TRIM2: variants seen among roughly 807,000 people sequenced by gnomAD.
The protein encoded by TRIM2 is tripartite motif-containing protein 2.
In TRIM2, 20 loss-of-function variants were observed where a neutral mutation model predicts 75.2. The observed-to-expected ratio is 0.27, with a 90% CI of 0.19 to 0.39. The LOEUF (loss-of-function observed/expected upper bound fraction) is 0.39. Among genes scored for constraint, TRIM2 ranks in the 10% least tolerant of loss-of-function variants. The pLI, the probability that TRIM2 is intolerant of heterozygous loss-of-function variation, is 1.00. For synonymous variants in TRIM2, 373 were observed against 388.3 expected, an observed-to-expected ratio of 0.96 and a Z score of 0.46; for missense variants, 660 against 990.8, an observed-to-expected ratio of 0.67 and a Z score of 4.48.
intron 1 of TRIM2, among the ~76,000 whole-genome samples, chr4:153,212,854 A>C (rs1372215735): frequency 6.6e-6 from 1 of 151,538 alleles, no homozygotes; most frequent in Non-Finnish European, 1.5e-5. Context: ...CAGTGAAACA[A>C]CTCTTTCCAG....
intron 1 of TRIM2, among the ~76,000 whole-genome samples, chr4:153,186,865 A>C (rs1338849932): frequency 6.6e-6 from 1 of 152,250 alleles, no homozygotes; most frequent in African/African-American, 2.4e-5. Flanking sequence ...GCCAGCCTAA[A>C]GGGAGAACAG....
At chr4:153,154,670 T>C (rs1278929528) in intron 1 of TRIM2, among the ~76,000 whole-genome samples, 1 of 152,140 alleles carries the variant, frequency 6.6e-6, no homozygotes, top group Non-Finnish European at 1.5e-5. Context: ...CTCAGAAAAG[T>C]AGTAATCAGT....
chr4:153,307,850 A>G, intron 6 of TRIM2: 2 of 736,644 alleles, frequency 2.7e-6, no homozygotes, highest in Middle Eastern at 2.4e-4. Context: ...TCTTGAATTC[A>G]GACCTAATTT....
intron 3 of TRIM2, among the ~76,000 whole-genome samples, chr4:153,286,340 A>T (rs550099537): frequency 6.6e-6 from 1 of 152,152 alleles, no homozygotes; most frequent in South Asian, 2.1e-4. Flanking sequence ...TAATAGAATG[A>T]GTTAGGAAGT....
At chr4:153,210,615 T>A (rs1352167701) in intron 1 of TRIM2, among the ~76,000 whole-genome samples, 1 of 152,144 alleles carries the variant, frequency 6.6e-6, no homozygotes, top group Non-Finnish European at 1.5e-5. Context: ...AATATTTGAT[T>A]CTTGATTTGT....
chr4:153,300,581 C>T (rs894081942), intron 6 of TRIM2, among the ~76,000 whole-genome samples: 2 of 151,784 alleles, frequency 1.3e-5, no homozygotes, highest in South Asian at 2.1e-4. Context: ...CTTACTCTGT[C>T]GCCAGGCTGG....
intron 1 of TRIM2, among the ~76,000 whole-genome samples, chr4:153,259,178 A>T (rs935335510): frequency 1.3e-5 from 2 of 152,218 alleles, no homozygotes; most frequent in Non-Finnish European, 1.5e-5. Context: ...CATTTTTTAA[A>T]AGAAGACTAA....
rs1315720897 is a variant in TRIM2 at position 153,228,341 on chromosome 4, C to T, written c.30+23781C>T. Among the ~76,000 whole-genome samples the T allele has an allele frequency of 2.0e-5, 3 of 152,164 alleles. No homozygotes were observed. The East Asian group carries it at 5.8e-4, about 29-fold the overall frequency. On this transcript the variant is annotated intron_variant, in intron 1 of 11. Coordinates refer to ENST00000338700, the MANE Select transcript of TRIM2 (RefSeq NM_015271.5). ...ACCCATGGGTCCTCAGCCACTTTAC[C>T]CCATGTGTGGGTCTGATGGCTAAGA...
chr4:153,158,453 G>A (rs1729439085), intron 1 of TRIM2, among the ~76,000 whole-genome samples: 1 of 152,034 alleles, frequency 6.6e-6, no homozygotes, highest in Non-Finnish European at 1.5e-5. Flanking sequence ...TCCTCCTAAG[G>A]TATAGTGATA....
At position 153,337,990 on chromosome 4, in the gene TRIM2, A is replaced by AT. The variant is rs372519052; in HGVS notation, c.*3032dup. ...TACAAGTCCTTTATGACTGTTTGCC[A>AT]TTTTTTTTAATGGTACTTAGTATTT... On this transcript the variant is annotated 3_prime_UTR_variant, in exon 12 of 12. Transcript: ENST00000338700. 17 of 985,044 alleles carry AT rather than the reference A, an allele frequency of 1.7e-5. No individual in the cohort carries two copies. The South Asian group carries it at 3.3e-4, about 19-fold the overall frequency. The allele number at this position is 985,044 out of a possible 1,614,324, so 61.0% of individuals were successfully genotyped here. A position where few individuals can be genotyped will look rare whatever the true frequency, so the allele number is the denominator to read the frequency against.
chr4:153,261,673 C>T (rs939738900), intron 1 of TRIM2, among the ~76,000 whole-genome samples: 4 of 152,154 alleles, frequency 2.6e-5, no homozygotes, highest in African/African-American at 9.7e-5. Context: ...TGCCAGCTCC[C>T]TCCCCTTCTC....
At chr4:153,265,314 TTTTTG>T (rs1560911368) in intron 1 of TRIM2, among the ~76,000 whole-genome samples, 3 of 151,394 alleles carry the variant, frequency 2.0e-5, no homozygotes, top group African/African-American at 7.3e-5. Context: ...GAAAAGTTTT[TTTTTG>T]TTTTGTTTTG....
At chr4:153,230,226 G>A (rs1743260804) in intron 1 of TRIM2, among the ~76,000 whole-genome samples, 1 of 152,078 alleles carries the variant, frequency 6.6e-6, no homozygotes, top group Non-Finnish European at 1.5e-5. Context: ...TGCTGCCCAG[G>A]CTGGAGTACA....
intron 4 of TRIM2, among the ~76,000 whole-genome samples, 194 bp from the exon 5 acceptor site, chr4:153,294,111 A>T (rs1240343403): frequency 6.8e-6 from 1 of 146,464 alleles, no homozygotes; most frequent in Non-Finnish European, 1.5e-5. Flanking sequence ...GACAATTTTG[A>T]TTGTCTCTGA....
chr4:153,221,858 GA>G (rs1740269965), intron 1 of TRIM2, among the ~76,000 whole-genome samples: 3 of 118,952 alleles, frequency 2.5e-5, no homozygotes, highest in Admixed American at 1.9e-4. Flanking sequence ...GAGGAAAGAA[GA>G]GAGAGAGGAA....
intron 8 of TRIM2, 98 bp from the exon 9 acceptor site, chr4:153,322,550 G>A: frequency 7.3e-7 from 1 of 1,373,154 alleles, no homozygotes; most frequent in Non-Finnish European, 9.9e-7. Flanking sequence ...TGAACCTTCA[G>A]GTAAATGTTG....
intron 11 of TRIM2, among the ~76,000 whole-genome samples, chr4:153,333,405 A>G (rs1307132851): frequency 6.6e-6 from 1 of 152,210 alleles, no homozygotes; most frequent in South Asian, 2.1e-4. Flanking sequence ...GTAAATCTAC[A>G]CACATGATAA....
intron 8 of TRIM2, among the ~76,000 whole-genome samples, chr4:153,321,629 A>G (rs1769007334): frequency 6.6e-6 from 1 of 152,252 alleles, no homozygotes; most frequent in Non-Finnish European, 1.5e-5. Flanking sequence ...TTCATTGAAT[A>G]TTTATTATGC....
intron 1 of TRIM2, among the ~76,000 whole-genome samples, chr4:153,266,448 T>G (rs1163647444): frequency 1.3e-5 from 2 of 150,768 alleles, no homozygotes; most frequent in Non-Finnish European, 2.9e-5. Context: ...GTTCAAGCGA[T>G]TCTCCTGCCA....
Sources: allele counts gnomAD v4.1 joint callset (sites outside exome capture counted in the v4.1 genomes callset), GRCh38; gene constraint gnomAD v4.1.1; transcripts MANE v1.5; gene names NCBI Gene and HGNC (gene_info 2026-07-23, HGNC 2026-07-21).